SEPTIN14: variants seen among roughly 807,000 people sequenced by gnomAD.
SEPTIN14 encodes the protein septin 14, also known as septin-14.
A neutral mutation model predicts 53.6 loss-of-function variants in SEPTIN14; 40 were observed. That is an observed-to-expected ratio of 0.75 (90% CI 0.58 to 0.97). SEPTIN14 has a LOEUF of 0.97. SEPTIN14 is among the 50% of genes least tolerant of loss of function. SEPTIN14 has a pLI of 0.00. For synonymous variants in SEPTIN14, 138 were observed against 166.8 expected (o/e 0.83, Z 1.33); for missense variants, 471 against 508.2 (o/e 0.93, Z 0.70).
chr7:55,828,261 AT>A (rs1300082054), intron 6 of SEPTIN14, among the ~76,000 whole-genome samples: 1 of 151,862 alleles, frequency 6.6e-6, no homozygotes, highest in Non-Finnish European at 1.5e-5. Flanking sequence ...ATTTCTAGAA[AT>A]GAAAAACACA....
At chr7:55,859,379 T>C (rs1047108642) in intron 2 of SEPTIN14, among the ~76,000 whole-genome samples, 4 of 152,174 alleles carry the variant, frequency 2.6e-5, no homozygotes, top group African/African-American at 9.7e-5. Context: ...CATTATGTCC[T>C]CTTGGTGCCC....
At chr7:55,797,372 A>G (rs577431595) in intron 9 of SEPTIN14, among the ~76,000 whole-genome samples, 1 of 152,338 alleles carries the variant, frequency 6.6e-6, no homozygotes, top group Non-Finnish European at 1.5e-5. Context: ...TCAAATAGTC[A>G]AAAGTCAAAG....
At chr7:55,802,781 CAA>C (rs80183449) in intron 9 of SEPTIN14, among the ~76,000 whole-genome samples, 9 of 143,576 alleles carry the variant, frequency 6.3e-5, no homozygotes, top group East Asian at 2.0e-4. Flanking sequence ...CCTGCACAGC[CAA>C]AAAAAAAAAT....
intron 2 of SEPTIN14, among the ~76,000 whole-genome samples, chr7:55,857,630 C>T (rs1291778883): frequency 1.5e-5 from 2 of 131,300 alleles, no homozygotes; most frequent in African/African-American, 5.8e-5. Flanking sequence ...CGCTGTCGCC[C>T]AGGCTGGAGT....
At chr7:55,845,908 G>GCT (rs1462002843) in intron 3 of SEPTIN14, among the ~76,000 whole-genome samples, 2 of 150,142 alleles carry the variant, frequency 1.3e-5, no homozygotes, top group African/African-American at 2.4e-5. Context: ...AATTAGCCGG[G>GCT]TGTATTGGCG....
chr7:55,811,169 T>A (rs556924079), intron 7 of SEPTIN14: 2 of 500,602 alleles, frequency 4.0e-6, no homozygotes, highest in Non-Finnish European at 8.0e-6. Flanking sequence ...CCTGTTTGTT[T>A]CCTCCAAGGG....
At chr7:55,824,208 C>T (rs11238381) in intron 6 of SEPTIN14, among the ~76,000 whole-genome samples, 8 of 151,862 alleles carry the variant, frequency 5.3e-5, no homozygotes, top group Non-Finnish European at 1.2e-4. Context: ...GATAAGCCAC[C>T]GACTGAGAGA....
rs1789369598 is a variant in SEPTIN14, at chr7:55,844,627, A to G, written c.267T>C (p.Val89=). The change falls in exon 4 of 10, where the codon GTT becomes GTC. Residue 89 remains valine (V), a synonymous_variant. Transcript: ENST00000388975. ...GTTCATATGTCTGAATTTGAAGTCC[A>G]ACATTTGAGTAAAAATGTGAGGATT... ...DNKSSHFYSN[V]GLQIQTYELQ... is the part of the protein sequence containing the mutation. 3.1e-6 allele frequency: 5 copies of G among 1,608,446 alleles called. No homozygotes were observed. In the East Asian group the frequency reaches 1.1e-4, roughly 36 times the overall value.
chr7:55,851,939 G>A (rs1054416374), intron 2 of SEPTIN14, among the ~76,000 whole-genome samples: 14 of 151,722 alleles, frequency 9.2e-5, no homozygotes, highest in Non-Finnish European at 2.1e-4. Context: ...TCAGGAGATC[G>A]AGACCATCCT....
intron 2 of SEPTIN14, among the ~76,000 whole-genome samples, chr7:55,853,909 GT>G (rs1789561566): frequency 6.6e-6 from 1 of 152,100 alleles, no homozygotes; most frequent in Non-Finnish European, 1.5e-5. Flanking sequence ...GAGCTCAGGA[GT>G]TCGAGACCAA....
chr7:55,809,008 C>T (rs111818051), intron 7 of SEPTIN14, among the ~76,000 whole-genome samples: 3 of 152,232 alleles, frequency 2.0e-5, no homozygotes, highest in African/African-American at 7.2e-5. Flanking sequence ...GACATAGAAT[C>T]AATCTAAATG....
At chr7:55,818,740 T>A (rs967770447) in intron 7 of SEPTIN14, among the ~76,000 whole-genome samples, 1 of 152,214 alleles carries the variant, frequency 6.6e-6, no homozygotes, top group African/African-American at 2.4e-5. Context: ...TAGGTAGTAA[T>A]GAGTTTATGT....
intron 6 of SEPTIN14, among the ~76,000 whole-genome samples, chr7:55,830,420 C>A (rs1789089427): frequency 7.0e-6 from 1 of 143,626 alleles, no homozygotes. Context: ...GATCTCCGCT[C>A]ACTGCAAGCT....
intron 6 of SEPTIN14, among the ~76,000 whole-genome samples, chr7:55,833,447 C>T (rs1477096877): frequency 2.0e-5 from 3 of 151,792 alleles, no homozygotes; most frequent in Non-Finnish European, 4.4e-5. Flanking sequence ...AAATTTTAAT[C>T]GGCCAGGCAC....
chr7:55,811,462 A>C, intron 7 of SEPTIN14: 1 of 318,946 alleles, frequency 3.1e-6, no homozygotes, highest in East Asian at 8.3e-5. Flanking sequence ...AGGAAGGCAA[A>C]CTCTTCTCCA....
At chr7:55,853,866 G>T (rs1320863207) in intron 2 of SEPTIN14, among the ~76,000 whole-genome samples, 1 of 152,134 alleles carries the variant, frequency 6.6e-6, no homozygotes, top group Middle Eastern at 3.2e-3. Context: ...TGTAATCCCA[G>T]AATTTTGGGA....
intron 6 of SEPTIN14, among the ~76,000 whole-genome samples, chr7:55,823,783 T>C (rs1392423463): frequency 1.3e-5 from 2 of 152,194 alleles, no homozygotes; most frequent in African/African-American, 4.8e-5. Flanking sequence ...CCTTTGTTTG[T>C]TTGCAGTCAG....
rs1554330066 is a variant in SEPTIN14 at position 55,830,345 on chromosome 7, A to ACATTTTTTTT, written c.720+4079_720+4080insAAAAAAAATG. On this transcript the variant is annotated intron_variant, in intron 6 of 9. Coordinates refer to ENST00000388975, the MANE Select transcript of SEPTIN14 (RefSeq NM_207366.3). ...TGTATATATATATATATATATATAT[A>ACATTTTTTTT]TATATTTTTTTTTTTTTTTGAGACG... 3.5e-4 allele frequency among the ~76,000 whole-genome samples: 14 copies of ACATTTTTTTT among 40,100 alleles called. 2 individuals carry two copies. Among genetic ancestry groups the ACATTTTTTTT allele is most frequent in the African/African-American group, 2.7e-3 (14 of 5,158 alleles). The allele number at this position is 40,100 out of a possible 152,430, so 26.3% of individuals were successfully genotyped here.
At chr7:55,798,587 C>A in intron 9 of SEPTIN14, 1 of 380,046 alleles carries the variant, frequency 2.6e-6, no homozygotes, top group South Asian at 2.2e-5. Flanking sequence ...TGGACGCAGC[C>A]CCAACAAATG....
Sources: allele counts gnomAD v4.1 joint callset (sites outside exome capture counted in the v4.1 genomes callset), GRCh38; gene constraint gnomAD v4.1.1; transcripts MANE v1.5; gene names NCBI Gene and HGNC (gene_info 2026-07-23, HGNC 2026-07-21).